TP63: variants seen among roughly 807,000 people sequenced by gnomAD.
TP63 encodes the protein tumor protein 63.
Under a neutral mutation model 82.8 loss-of-function variants are expected in TP63, and 17 were observed. The ratio of observed to expected loss-of-function variants is 0.21; its 90% confidence interval spans 0.14 to 0.31. TP63 has a LOEUF of 0.31. Ranked by LOEUF, TP63 falls within the 10% of genes least tolerant of loss-of-function variation. TP63 has a pLI of 1.00. For synonymous variants in TP63, 330 were observed against 321.7 expected (o/e 1.03, Z -0.28); for missense variants, 648 against 895.3 (o/e 0.72, Z 3.52).
intron 1 of TP63, among the ~76,000 whole-genome samples, chr3:189,701,616 A>C (rs1717815204): frequency 6.6e-6 from 1 of 150,784 alleles, no homozygotes; most frequent in South Asian, 2.1e-4. Context: ...AGGAATACAA[A>C]AGAGTACCTA....
intron 1 of TP63, among the ~76,000 whole-genome samples, chr3:189,642,832 T>C (rs1712017968): frequency 6.6e-6 from 1 of 151,918 alleles, no homozygotes; most frequent in Admixed American, 6.6e-5. Context: ...GTAAATTCTA[T>C]ATAGAAATGA....
At chr3:189,868,392 T>C (rs1560279936) in intron 7 of TP63, among the ~76,000 whole-genome samples, 188 bp from the exon 8 acceptor site, 1 of 152,224 alleles carries the variant, frequency 6.6e-6, no homozygotes, top group East Asian at 1.9e-4. Flanking sequence ...TATTTACTAA[T>C]ATTACTTGTG....
chr3:189,621,314 T>G, the TP63 span, among the ~76,000 whole-genome samples: 5 of 152,202 alleles, frequency 3.3e-5, no homozygotes, highest in African/African-American at 4.8e-5. Flanking sequence ...TTGCTTTGCT[T>G]CTTCTATTAG....
intron 5 of TP63, among the ~76,000 whole-genome samples, chr3:189,865,219 T>C (rs1164159038): frequency 6.6e-6 from 1 of 151,760 alleles, no homozygotes; most frequent in Non-Finnish European, 1.5e-5. Context: ...GAAAAAAAGA[T>C]GAGAAGGCAA....
chr3:189,742,142 C>T (rs576444400), intron 3 of TP63, among the ~76,000 whole-genome samples: 79 of 145,794 alleles, frequency 5.4e-4, no homozygotes, highest in African/African-American at 1.9e-3. Context: ...ACTCAGGAGG[C>T]TGAGGCAGGA....
chr3:189,874,981 CTTT>C (rs200117233), intron 10 of TP63, among the ~76,000 whole-genome samples: 6 of 114,244 alleles, frequency 5.3e-5, no homozygotes, highest in East Asian at 2.6e-4. Context: ...TCTTTCCTGT[CTTT>C]TTTTTTTTTT....
intron 3 of TP63, chr3:189,789,908 C>T: frequency 6.9e-7 from 1 of 1,448,258 alleles, no homozygotes; most frequent in Non-Finnish European, 9.2e-7. Context: ...TGTAAAAAAA[C>T]TTACGTATTT....
chr3:189,888,633 C>CA (rs1720706243), intron 11 of TP63, among the ~76,000 whole-genome samples: 1 of 152,090 alleles, frequency 6.6e-6, no homozygotes, highest in Admixed American at 6.6e-5. Context: ...GACATGAAGG[C>CA]AAAATTCATT....
At chr3:189,885,306 G>A (rs565625548) in intron 10 of TP63, among the ~76,000 whole-genome samples, 1 of 152,238 alleles carries the variant, frequency 6.6e-6, no homozygotes, top group Admixed American at 6.5e-5. Context: ...GCCGTATAAG[G>A]TAGGATGGAT....
intron 3 of TP63, among the ~76,000 whole-genome samples, chr3:189,752,978 AG>A (rs1721932723): frequency 1.3e-5 from 2 of 152,142 alleles, no homozygotes; most frequent in Non-Finnish European, 2.9e-5. Context: ...ATACTAACTT[AG>A]CTTAATTTCA....
In TP63 at chr3:189,885,600, G is replaced by A. The variant is rs1298850568; in HGVS notation, c.1350-794G>A. ...AGATAAAACATCAGGAATGACAGTTGAGTTGGGAATATTATCTGTTAGATA... is the reference window on the plus strand; with the variant it reads ...AGATAAAACATCAGGAATGACAGTTAAGTTGGGAATATTATCTGTTAGATA... On this transcript the variant is annotated intron_variant, in intron 10 of 13. Transcript: ENST00000264731. Among the ~76,000 whole-genome samples, 3 of 152,142 alleles carry A rather than the reference G, an allele frequency of 2.0e-5. No individual in the cohort carries two copies. In the East Asian group the frequency reaches 5.8e-4, roughly 29 times the overall value.
intron 3 of TP63, among the ~76,000 whole-genome samples, chr3:189,746,894 G>C (rs1207094426): frequency 6.6e-6 from 1 of 150,440 alleles, no homozygotes; most frequent in Non-Finnish European, 1.5e-5. Flanking sequence ...AGAAAAAATG[G>C]AAGAAAAGGA....
chr3:189,870,659 A>C (rs556528172), intron 9 of TP63, among the ~76,000 whole-genome samples: 1 of 152,324 alleles, frequency 6.6e-6, no homozygotes, highest in Admixed American at 6.5e-5. Context: ...AAGGGACATT[A>C]CTTCTCTTGC....
chr3:189,880,884 T>C (rs1719836656), intron 10 of TP63: 2 of 985,418 alleles, frequency 2.0e-6, no homozygotes, highest in Non-Finnish European at 2.4e-6. Context: ...TGTTGGCATC[T>C]GTTATGCTAA....
intron 3 of TP63, among the ~76,000 whole-genome samples, chr3:189,797,808 G>A (rs949792751): frequency 6.6e-6 from 1 of 152,020 alleles, no homozygotes; most frequent in Non-Finnish European, 1.5e-5. Context: ...AGACTTCAGA[G>A]AAGAGGGCTT....
Position 189,631,410 on chromosome 3 carries a change from C to T in TP63, c.-106C>T. ...ACTTCTATGTCTGATAGCATTTGAC[C>T]CTATTGCTTTTAGCCTCCCGGCTTT... On this transcript the variant is annotated 5_prime_UTR_variant, in exon 1 of 14. Transcript: ENST00000264731. 6.3e-7 allele frequency: 1 copy of T among 1,583,238 alleles called. No individual in the cohort carries two copies. Among genetic ancestry groups the T allele is most frequent in the South Asian group, 1.1e-5 (1 of 88,692 alleles).
At chr3:189,661,940 A>G (rs1713919721) in intron 1 of TP63, among the ~76,000 whole-genome samples, 1 of 151,886 alleles carries the variant, frequency 6.6e-6, no homozygotes, top group African/African-American at 2.4e-5. Context: ...GATTGCGCTT[A>G]TTTGGATCTT....
chr3:189,771,623 CTCTTTT>C (rs150013698), intron 3 of TP63, among the ~76,000 whole-genome samples: 3,055 of 151,234 alleles, frequency 0.02, 87 homozygotes, highest in African/African-American at 0.065. Context: ...ATGTGACAGA[CTCTTTT>C]TTAGCCCTCC....
At chr3:189,628,211 A>T (rs144515274), upstream of TP63, among the ~76,000 whole-genome samples, 2 of 152,138 alleles carry the variant, frequency 1.3e-5, no homozygotes, top group Admixed American at 6.6e-5. Flanking sequence ...ATGTGGAAAA[A>T]AGAGGGAGAA....
Sources: gnomAD v4.1 joint callset for allele counts (sites outside exome capture counted in the v4.1 genomes callset) on GRCh38, gnomAD v4.1.1 for gene constraint, MANE v1.5 for transcripts, NCBI Gene and HGNC (gene_info 2026-07-23, HGNC 2026-07-21) for gene names.